STK4: variants seen among roughly 807,000 people sequenced by gnomAD.
STK4 encodes serine/threonine-protein kinase 4.
STK4 carries 30 observed loss-of-function variants against 64.9 expected under a neutral mutation model. The ratio of observed to expected loss-of-function variants is 0.46; its 90% CI spans 0.35 to 0.63. The LOEUF is 0.63. Among genes scored for constraint, STK4 ranks in the 20% least tolerant of loss-of-function variants. The pLI, the probability that STK4 is intolerant of heterozygous loss-of-function variation, is 0.01. For missense variants in STK4, 466 were observed against 598.5 expected (o/e 0.78, Z 2.31); for synonymous variants, 177 against 199.0 (o/e 0.89, Z 0.93).
chr20:45,040,926 A>G (rs2068603535), intron 10 of STK4, among the ~76,000 whole-genome samples: 2 of 152,126 alleles, frequency 1.3e-5, no homozygotes, highest in African/African-American at 4.8e-5. Flanking sequence ...TTGTTTTTCA[A>G]TTCACAATAA....
At chr20:44,991,668 T>G (rs2067636313) in intron 5 of STK4, among the ~76,000 whole-genome samples, 3 of 152,164 alleles carry the variant, frequency 2.0e-5, no homozygotes, top group Admixed American at 1.3e-4. Context: ...GTACTTTTTT[T>G]TTTTGTTTTT....
intron 10 of STK4, among the ~76,000 whole-genome samples, chr20:45,065,986 C>T (rs1979531043): frequency 6.6e-6 from 1 of 151,888 alleles, no homozygotes; most frequent in Non-Finnish European, 1.5e-5. Flanking sequence ...TTAATAATGG[C>T]CCCAAAGCAT....
intron 9 of STK4, among the ~76,000 whole-genome samples, chr20:45,018,141 A>T (rs1382488642): frequency 1.3e-5 from 2 of 152,234 alleles, no homozygotes; most frequent in Non-Finnish European, 2.9e-5. Flanking sequence ...ACCCTGTGAT[A>T]AGAATTGCAC....
chr20:45,013,299 A>T (rs965091745), intron 9 of STK4, among the ~76,000 whole-genome samples: 2 of 151,996 alleles, frequency 1.3e-5, no homozygotes, highest in African/African-American at 4.8e-5. Context: ...GTTTTATTTA[A>T]AAAAAATTCT....
chr20:44,968,305 T>C (rs753668370), intron 1 of STK4, among the ~76,000 whole-genome samples: 14 of 152,148 alleles, frequency 9.2e-5, no homozygotes, highest in Middle Eastern at 6.4e-3. Context: ...GCCTGGCTAA[T>C]TTTTTGTAGT....
chr20:44,990,778 G>A (rs2067619254), intron 5 of STK4, among the ~76,000 whole-genome samples: 1 of 152,178 alleles, frequency 6.6e-6, no homozygotes, highest in African/African-American at 2.4e-5. Context: ...CTAGTTGCTT[G>A]ATGGGAGAGG....
chr20:45,065,508 G>C (rs1979489314), intron 10 of STK4, among the ~76,000 whole-genome samples: 1 of 152,216 alleles, frequency 6.6e-6, no homozygotes, highest in South Asian at 2.1e-4. Context: ...CATAGAATAG[G>C]TTAGGGAGGA....
chr20:44,973,591 T>C (rs546404089), intron 2 of STK4, among the ~76,000 whole-genome samples: 10 of 152,376 alleles, frequency 6.6e-5, no homozygotes, highest in South Asian at 2.1e-4. Flanking sequence ...ATAGGCATAA[T>C]TGACTATGTA....
chr20:45,068,121 C>T (rs746171277), intron 10 of STK4, among the ~76,000 whole-genome samples: 5 of 152,116 alleles, frequency 3.3e-5, no homozygotes, highest in Admixed American at 6.5e-5. Context: ...TGTTGTAGAA[C>T]GAATAATGTC....
chr20:45,035,437 A>G (rs1343808431), intron 10 of STK4, among the ~76,000 whole-genome samples: 1 of 152,214 alleles, frequency 6.6e-6, no homozygotes, highest in Non-Finnish European at 1.5e-5. Flanking sequence ...TCAGTCAGTT[A>G]TCAGCTTTGC....
chr20:44,985,450 TCTC>T (rs1366355760), intron 4 of STK4, among the ~76,000 whole-genome samples: 1 of 151,996 alleles, frequency 6.6e-6, no homozygotes, highest in African/African-American at 2.4e-5. Context: ...TTCAAGTGAT[TCTC>T]CTGCTTCAGC....
Position 44,997,307 on chromosome 20 carries a change from G to T in STK4, c.831+1G>T, listed in dbSNP as rs1406804332. ...GGCCACAGCCACTCAGCTCCTGCAG[G>T]TATGAATCACCCTGTGATGCCATCT... On this transcript the variant is annotated splice_donor_variant, in intron 7 of 10. Transcript: ENST00000372806. LOFTEE classifies it high-confidence loss of function. 1 of 1,590,060 alleles carries T rather than the reference G, an allele frequency of 6.3e-7. No individual in the cohort carries two copies. The highest frequency in any genetic ancestry group is 8.5e-7 in the Non-Finnish European group (1 of 1,171,468).
chr20:45,011,729 A>ATATATATATATATATATATATATATAT (rs60170856), intron 9 of STK4, among the ~76,000 whole-genome samples: 5 of 115,388 alleles, frequency 4.3e-5, no homozygotes, highest in African/African-American at 1.5e-4. Flanking sequence ...ATATATATAT[A>ATATATATATATATATATATATATATAT]TTTTTTTTTT....
chr20:44,989,882 T>A (rs1349839931), intron 5 of STK4, among the ~76,000 whole-genome samples: 2 of 152,248 alleles, frequency 1.3e-5, no homozygotes, highest in Non-Finnish European at 2.9e-5. Flanking sequence ...ATGCCTTCAA[T>A]TCTATTCCAT....
At chr20:45,047,968 C>A (rs995600218) in intron 10 of STK4, among the ~76,000 whole-genome samples, 4 of 152,154 alleles carry the variant, frequency 2.6e-5, no homozygotes, top group African/African-American at 9.7e-5. Context: ...TCTTTGTTTG[C>A]CAATTTAAAA....
In STK4 at chr20:45,024,304, G is replaced by GTT. The variant is rs371930369; in HGVS notation, c.1148-658_1148-657dup. Among the ~76,000 whole-genome samples, 200 of 143,840 alleles carry GTT rather than the reference G, an allele frequency of 1.4e-3. 1 individual carries two copies. Among genetic ancestry groups the GTT allele is most frequent in the African/African-American group, 4.9e-3 (194 of 39,358 alleles). The allele number at this position is 143,840 out of a possible 152,430, so 94.4% of individuals were successfully genotyped here. A position where few individuals can be genotyped will look rare whatever the true frequency, so the allele number is the denominator to read the frequency against. Reference sequence around the variant, plus strand: ...TTAACATTTTGGGTATTTTCCCCTAGTTTTTTTTTTTTCCTATATGTATGA... The same window carrying GTT: ...TTAACATTTTGGGTATTTTCCCCTAGTTTTTTTTTTTTTTCCTATATGTATGA... On this transcript the variant is annotated intron_variant, in intron 9 of 10. Transcript: ENST00000372806.
chr20:45,075,023 G>C lies in STK4; in HGVS notation c.1311G>C (p.Lys437Asn). 3 of 1,614,160 alleles carry C rather than the reference G, an allele frequency of 1.9e-6. No individual in the cohort carries two copies. The highest frequency in any genetic ancestry group is 2.5e-6 in the Non-Finnish European group (3 of 1,180,036). ...ACCTTCCACTTCTCTTCTAGCTTAA[G>C]AGTTGGACAGTGGAGGACCTTCAGA... ...IPQDGDYEFL[K>N]SWTVEDLQKR... The change falls in exon 11 of 11, where the codon AAG (lysine) becomes AAC (asparagine). Residue 437 changes from lysine to asparagine, a missense_variant. Coordinates refer to ENST00000372806, the MANE Select transcript of STK4 (RefSeq NM_006282.5).
chr20:45,005,656 AAAAAAAAAAAAC>A (rs1415379714), intron 9 of STK4, among the ~76,000 whole-genome samples: 2 of 151,576 alleles, frequency 1.3e-5, no homozygotes, highest in African/African-American at 4.8e-5. Context: ...TCAAAAAAAA[AAAAAAAAAAAAC>A]AAAACGTTAG....
At chr20:45,011,720 T>C (rs1314105780) in intron 9 of STK4, among the ~76,000 whole-genome samples, 1 of 105,124 alleles carries the variant, frequency 9.5e-6, no homozygotes, top group East Asian at 2.2e-4. Flanking sequence ...TATATATATA[T>C]ATATATATAT....
Sources: allele counts gnomAD v4.1 joint callset (sites outside exome capture counted in the v4.1 genomes callset), GRCh38; gene constraint gnomAD v4.1.1; transcripts MANE v1.5; gene names NCBI Gene and HGNC (gene_info 2026-07-23, HGNC 2026-07-21).